KDM6A: variants seen among roughly 807,000 people sequenced by gnomAD.
The protein encoded by KDM6A is lysine demethylase 6A.
Under a neutral mutation model 117.6 loss-of-function variants are expected in KDM6A, and 11 were observed. That is an observed-to-expected ratio of 0.09 (90% CI 0.06 to 0.15). The LOEUF is 0.15. KDM6A is among the 10% of genes least tolerant of loss of function. KDM6A has a pLI of 1.00. For synonymous variants in KDM6A, 384 were observed against 396.1 expected (o/e 0.97, Z 0.36); for missense variants, 799 against 1,077.3 (o/e 0.74, Z 3.62).
chrX:44,968,773 C>T (rs948374421), intron 3 of KDM6A, among the ~76,000 whole-genome samples: 3 of 110,808 alleles, frequency 2.7e-5, no homozygotes, highest in Non-Finnish European at 5.7e-5. Context: ...GAACTCTAGA[C>T]CAGCCTGACC....
At chrX:45,090,886 T>G in intron 27 of KDM6A, 22 bp downstream of exon 27, 1 of 1,203,913 alleles carries the variant, frequency 8.3e-7, no homozygotes, top group Admixed American at 2.2e-5. Flanking sequence ...CTAAAACTGC[T>G]GTAGTCCCTC....
chrX:45,033,064 G>GAAA, intron 6 of KDM6A, among the ~76,000 whole-genome samples: 1 of 111,812 alleles, frequency 8.9e-6, no homozygotes, highest in Middle Eastern at 4.6e-3. Flanking sequence ...ATTTCAGTTT[G>GAAA]TACCCTTTGA....
intron 4 of KDM6A, among the ~76,000 whole-genome samples, chrX:44,985,834 C>T (rs1181299246): frequency 1.8e-5 from 2 of 111,066 alleles, no homozygotes; most frequent in Admixed American, 9.5e-5. Context: ...AGGATTTTTG[C>T]ATCGATGTTC....
chrX:44,911,202 C>A (rs12006980), intron 2 of KDM6A, among the ~76,000 whole-genome samples: 1 of 108,729 alleles, frequency 9.2e-6, no homozygotes, highest in Non-Finnish European at 1.9e-5. Flanking sequence ...GGGTGGCTGC[C>A]GGGCGGAGAC....
chrX:45,035,611 A>G (rs148766331), intron 7 of KDM6A, among the ~76,000 whole-genome samples: 1,813 of 111,500 alleles, frequency 0.016, 21 homozygotes, highest in Non-Finnish European at 0.026. Flanking sequence ...AATATACACT[A>G]AAGTATCCAG....
chrX:45,089,716 A>G (rs1346816023), intron 25 of KDM6A, 27 bp from the exon 26 acceptor site: 2 of 1,093,392 alleles, frequency 1.8e-6, no homozygotes, highest in Middle Eastern at 2.4e-4. Flanking sequence ...TAGTTGATCC[A>G]TTTGCATTAT....
intron 3 of KDM6A, among the ~76,000 whole-genome samples, chrX:44,965,123 G>T (rs1435650363): frequency 8.9e-6 from 1 of 112,175 alleles, no homozygotes; most frequent in African/African-American, 3.2e-5. Flanking sequence ...TTCTTCTGCA[G>T]CTTCTTCACT....
chrX:44,914,853 T>C (rs1233340920), intron 2 of KDM6A, among the ~76,000 whole-genome samples: 2 of 111,077 alleles, frequency 1.8e-5, no homozygotes, highest in Admixed American at 9.7e-5. Flanking sequence ...TGGATACTCT[T>C]GTGAGAGTAT....
intron 4 of KDM6A, among the ~76,000 whole-genome samples, chrX:45,005,107 C>T (rs781672048): frequency 9.0e-6 from 1 of 110,861 alleles, no homozygotes; most frequent in African/African-American, 3.3e-5. Flanking sequence ...TTCTGAATAT[C>T]TTTTTTACAT....
intron 2 of KDM6A, among the ~76,000 whole-genome samples, chrX:44,931,048 GTTCAAAGCAAGA>G (rs1868333074): frequency 9.0e-6 from 1 of 111,504 alleles, no homozygotes; most frequent in Non-Finnish European, 1.9e-5. Flanking sequence ...GTTCAAAAGA[GTTCAAAGCAAGA>G]TCTCTATTCT....
intron 2 of KDM6A, among the ~76,000 whole-genome samples, chrX:44,949,038 A>G (rs1263716738): frequency 8.9e-6 from 1 of 112,328 alleles, no homozygotes; most frequent in Admixed American, 9.4e-5. Flanking sequence ...TTTGAGATCT[A>G]TATGTTTTGA....
In KDM6A at chrX:44,918,160, AT is replaced by A. The variant is rs1162599279; in HGVS notation, c.226-43121del. ...TATTTTTTCTACTACTAGAAAACAG[AT>A]TTATAAATGTAATTTATAAATTAAA... On this transcript the variant is annotated intron_variant, in intron 2 of 29. Transcript: ENST00000611820. Among the ~76,000 whole-genome samples, 6 of 111,789 alleles carry A rather than the reference AT, an allele frequency of 5.4e-5. No individual in the cohort carries two copies. In the East Asian group the frequency reaches 1.7e-3, roughly 31 times the overall value.
Position 44,953,851 on chromosome X carries a change from G to A in KDM6A, c.226-7433G>A, listed in dbSNP as rs750403810. On this transcript the variant is annotated intron_variant, in intron 2 of 29. Transcript: ENST00000611820. ...TTTGGGAGGCCAAGGCGGGTGGATC[G>A]TTTGAGACCCGCCTGGCCAGCATGG... is the stretch of plus-strand genomic sequence containing the variant. 1.5e-3 allele frequency among the ~76,000 whole-genome samples: 166 copies of A among 111,029 alleles called. 1 individual carries two copies. The highest frequency in any genetic ancestry group is 8.9e-4 in the Non-Finnish European group (47 of 52,913).
chrX:45,017,974 G>A (rs2042032009), intron 5 of KDM6A, among the ~76,000 whole-genome samples: 1 of 111,714 alleles, frequency 9.0e-6, no homozygotes, highest in African/African-American at 3.3e-5. Context: ...GAATTAGTAA[G>A]GAAAAGCAGT....
Position 44,873,383 on chromosome X carries a change from C to CCGG in KDM6A, c.-167_-166insGCG. The stretch of plus-strand genomic sequence containing the variant: ...TCCGCAGCCCCTGCCGCCGCCGCCG[C>CCGG]CGCCTTCACCGCCGCCGCGTTGGGA... On this transcript the variant is annotated 5_prime_UTR_variant, in exon 1 of 30. Transcript: ENST00000611820. 1.4e-6 allele frequency: 1 copy of CCGG among 719,273 alleles called. No individual in the cohort carries two copies. The highest frequency in any genetic ancestry group is 2.0e-6 in the Non-Finnish European group (1 of 502,220). 59.3% of individuals were successfully genotyped at this position (719,273 alleles called of 1,213,427 possible).
At chrX:44,927,434 A>G (rs1007445709) in intron 2 of KDM6A, among the ~76,000 whole-genome samples, 1 of 110,751 alleles carries the variant, frequency 9.0e-6, no homozygotes, top group African/African-American at 3.3e-5. Flanking sequence ...GGCAGGGGCA[A>G]TCATAAGACT....
chrX:45,041,031 T>C (rs2043141100), intron 8 of KDM6A, among the ~76,000 whole-genome samples: 2 of 66,280 alleles, frequency 3.0e-5, no homozygotes, highest in Non-Finnish European at 5.6e-5. Flanking sequence ...ACGGGGCGGC[T>C]GGCCGGGCAG....
intron 2 of KDM6A, among the ~76,000 whole-genome samples, chrX:44,922,406 G>T (rs12008150): frequency 9.1e-6 from 1 of 110,020 alleles, no homozygotes; most frequent in Admixed American, 9.7e-5. Context: ...GTGCTTATTC[G>T]CCATCTGTAT....
intron 25 of KDM6A, among the ~76,000 whole-genome samples, chrX:45,088,426 T>G (rs1046395000): frequency 8.8e-6 from 1 of 113,418 alleles, no homozygotes; most frequent in Non-Finnish European, 1.9e-5. Context: ...GTCACAACTG[T>G]GTCATTATAG....
Sources: gnomAD v4.1 joint callset for allele counts (sites outside exome capture counted in the v4.1 genomes callset) on GRCh38, gnomAD v4.1.1 for gene constraint, MANE v1.5 for transcripts, NCBI Gene and HGNC (gene_info 2026-07-23, HGNC 2026-07-21) for gene names.